CADM2: variants seen among roughly 807,000 people sequenced by gnomAD.
CADM2 encodes the protein immunoglobulin superfamily member 4D.
Under a neutral mutation model 49.8 loss-of-function variants are expected in CADM2, and 12 were observed. The ratio of observed to expected loss-of-function variants is 0.24; its 90% CI spans 0.15 to 0.39. The LOEUF is 0.39. Ranked by LOEUF, CADM2 falls within the 10% of genes least tolerant of loss-of-function variation. The pLI is 1.00. For synonymous variants in CADM2, 214 were observed against 175.4 expected (o/e 1.22, Z -1.74); for missense variants, 378 against 492.3 (o/e 0.77, Z 2.20).
intron 1 of CADM2, among the ~76,000 whole-genome samples, chr3:84,961,234 T>A (rs1221808243): frequency 6.6e-6 from 1 of 152,168 alleles, no homozygotes; most frequent in Non-Finnish European, 1.5e-5. Context: ...TCTCCTGCCC[T>A]CCTCCGGGAT....
intron 3 of CADM2, among the ~76,000 whole-genome samples, chr3:85,822,198 T>C (rs890223687): frequency 6.6e-6 from 1 of 152,206 alleles, no homozygotes; most frequent in East Asian, 1.9e-4. Flanking sequence ...ACATCAGTTA[T>C]AGCAGAGAAA....
chr3:85,168,976 G>A (rs1427975809), intron 1 of CADM2, among the ~76,000 whole-genome samples: 1 of 151,748 alleles, frequency 6.6e-6, no homozygotes, highest in Non-Finnish European at 1.5e-5. Flanking sequence ...TATTTGGGAT[G>A]GAGTTTCACT....
At chr3:84,995,525 C>T (rs2033138067) in intron 1 of CADM2, among the ~76,000 whole-genome samples, 3 of 152,210 alleles carry the variant, frequency 2.0e-5, no homozygotes, top group African/African-American at 7.2e-5. Flanking sequence ...GGAATCCTAG[C>T]GATGTGTAAA....
chr3:85,500,295 A>G (rs1030108680), intron 1 of CADM2, among the ~76,000 whole-genome samples: 5 of 152,148 alleles, frequency 3.3e-5, no homozygotes, highest in African/African-American at 1.2e-4. Flanking sequence ...TTTATTTTCT[A>G]TAAAAAAATG....
At chr3:85,846,460 T>TG in intron 3 of CADM2, among the ~76,000 whole-genome samples, 1 of 152,280 alleles carries the variant, frequency 6.6e-6, no homozygotes, top group East Asian at 1.9e-4. Flanking sequence ...TGGCGATATC[T>TG]AGAACACATG....
chr3:85,184,869 A>G (rs1354527612), intron 1 of CADM2, among the ~76,000 whole-genome samples: 1 of 152,120 alleles, frequency 6.6e-6, no homozygotes, highest in African/African-American at 2.4e-5. Context: ...CTTCACTGTT[A>G]GGGGGATAAA....
rs997957225 is a variant in CADM2, at chr3:85,229,766, T to C, written c.61+270098T>C. Among the ~76,000 whole-genome samples, 4 of 152,326 alleles carry C rather than the reference T, an allele frequency of 2.6e-5. No individual in the cohort carries two copies. In the East Asian group the frequency reaches 7.7e-4, roughly 29 times the overall value. ...AAGTATTTTTGGTGTAAGATTGTCATGGCCTCAGGTGTACAAGTGTGAACA... is the reference window on the plus strand; with the variant it reads ...AAGTATTTTTGGTGTAAGATTGTCACGGCCTCAGGTGTACAAGTGTGAACA... On this transcript the variant is annotated intron_variant, in intron 1 of 9. Coordinates refer to ENST00000383699, the MANE Select transcript of CADM2 (RefSeq NM_001167675.2).
At chr3:85,374,385 C>G (rs2033462292) in intron 1 of CADM2, among the ~76,000 whole-genome samples, 1 of 152,110 alleles carries the variant, frequency 6.6e-6, no homozygotes, top group Admixed American at 6.5e-5. Context: ...TTTCTCATCT[C>G]TATCTGAGAC....
chr3:85,890,796 G>T (rs746572681), intron 5 of CADM2, among the ~76,000 whole-genome samples: 9 of 151,858 alleles, frequency 5.9e-5, no homozygotes, highest in Non-Finnish European at 1.0e-4. Flanking sequence ...CAAAGGAGTA[G>T]AATTCATCAT....
chr3:85,059,183 G>A (rs2036205779), intron 1 of CADM2, among the ~76,000 whole-genome samples: 1 of 151,860 alleles, frequency 6.6e-6, no homozygotes, highest in Admixed American at 6.6e-5. Context: ...AGCTTGCAGT[G>A]AGCCGAGATC....
chr3:85,746,802 T>C (rs888996302), intron 2 of CADM2, among the ~76,000 whole-genome samples: 5 of 152,146 alleles, frequency 3.3e-5, no homozygotes, highest in Non-Finnish European at 5.9e-5. Context: ...CTTCTACTCA[T>C]TGATTTTTCT....
chr3:85,399,889 A>C (rs2107434443), intron 1 of CADM2, among the ~76,000 whole-genome samples: 2 of 152,308 alleles, frequency 1.3e-5, no homozygotes, highest in South Asian at 4.1e-4. Context: ...GGGGTTTTCT[A>C]AATATACAAT....
At chr3:85,199,333 T>TTGTG (rs35067183) in intron 1 of CADM2, among the ~76,000 whole-genome samples, 52,271 of 134,066 alleles carry the variant, frequency 0.39, 11,447 homozygotes, top group Non-Finnish European at 0.52. Flanking sequence ...GTAACTCTCT[T>TTGTG]TGTGTGTGTG....
intron 1 of CADM2, among the ~76,000 whole-genome samples, chr3:85,372,541 T>C (rs913796479): frequency 1.3e-5 from 2 of 152,022 alleles, no homozygotes; most frequent in Non-Finnish European, 2.9e-5. Context: ...CTAGAAACAA[T>C]TTTAACTAGG....
chr3:85,000,912 G>T (rs747116804), intron 1 of CADM2, among the ~76,000 whole-genome samples: 1 of 151,904 alleles, frequency 6.6e-6, no homozygotes, highest in Non-Finnish European at 1.5e-5. Context: ...AAAGTAAATG[G>T]CTTCACTGAT....
chr3:86,017,758 G>A (rs1388547935), intron 8 of CADM2, among the ~76,000 whole-genome samples: 2 of 150,074 alleles, frequency 1.3e-5, no homozygotes, highest in East Asian at 1.9e-4. Context: ...AAAAGAAGAA[G>A]AAAGGGATTT....
intron 1 of CADM2, among the ~76,000 whole-genome samples, chr3:85,140,902 A>C (rs1323256257): frequency 1.3e-5 from 2 of 152,186 alleles, no homozygotes; most frequent in Admixed American, 1.3e-4. Context: ...TCTCCTCCTT[A>C]GGGTGGGGAA....
intron 1 of CADM2, among the ~76,000 whole-genome samples, chr3:85,150,336 A>G (rs2107644709): frequency 6.6e-6 from 1 of 152,290 alleles, no homozygotes; most frequent in East Asian, 1.9e-4. Context: ...TGCTTCTGGC[A>G]GATGGTGTAC....
At chr3:85,963,818 A>G (rs1024901542) in intron 8 of CADM2, among the ~76,000 whole-genome samples, 2 of 151,798 alleles carry the variant, frequency 1.3e-5, no homozygotes, top group East Asian at 2.0e-4. Flanking sequence ...TTCCCTAAGC[A>G]CTTTGTGAGA....
Sources: allele counts gnomAD v4.1 joint callset (sites outside exome capture counted in the v4.1 genomes callset), GRCh38; gene constraint gnomAD v4.1.1; transcripts MANE v1.5; gene names NCBI Gene and HGNC (gene_info 2026-07-23, HGNC 2026-07-21).